The following SIK3 variants were observed in gnomAD, a reference collection of about 807,000 sequenced individuals.
SIK3 encodes the protein SIK family kinase 3, also known as serine/threonine-protein kinase SIK3.
In SIK3, 28 loss-of-function variants were observed where a neutral mutation model predicts 144.2. That is an observed-to-expected ratio of 0.19 (90% CI 0.14 to 0.27). The LOEUF (loss-of-function observed/expected upper bound fraction) is 0.27, where lower values mean the gene tolerates loss of function less well. Among genes scored for constraint, SIK3 ranks in the 10% least tolerant of loss-of-function variants. The pLI is 1.00. For synonymous variants in SIK3, 686 were observed against 676.3 expected, an observed-to-expected ratio of 1.01 and a Z score of -0.22; for missense variants, 1,319 against 1,776.0, an observed-to-expected ratio of 0.74 and a Z score of 4.62.
intron 1 of SIK3, among the ~76,000 whole-genome samples, chr11:117,082,656 C>A (rs1307451482): frequency 6.6e-6 from 1 of 151,960 alleles, no homozygotes; most frequent in African/African-American, 2.4e-5. Flanking sequence ...CTAATGGGTA[C>A]CATGCTTCTT....
intron 24 of SIK3, 104 bp from the exon 25 acceptor site, chr11:116,845,733 G>A (rs1300354083): frequency 6.6e-6 from 1 of 152,214 alleles, no homozygotes; most frequent in African/African-American, 2.4e-5. Flanking sequence ...TTTCCCTCAG[G>A]TGTTCAGGTA....
intron 1 of SIK3, among the ~76,000 whole-genome samples, chr11:116,976,176 G>C (rs1276178625): frequency 6.6e-6 from 1 of 152,126 alleles, no homozygotes; most frequent in Non-Finnish European, 1.5e-5. Context: ...ATTTTCTGAT[G>C]GTATTGTCTG....
intron 1 of SIK3, among the ~76,000 whole-genome samples, chr11:117,013,901 G>GTGTGTGT (rs1951380296): frequency 1.7e-5 from 1 of 59,730 alleles, no homozygotes; most frequent in African/African-American, 5.4e-5. Flanking sequence ...AGATTCTGAG[G>GTGTGTGT]GGGGGGGGGG....
intron 1 of SIK3, among the ~76,000 whole-genome samples, chr11:116,985,541 G>C (rs1950299157): frequency 6.6e-6 from 1 of 152,158 alleles, no homozygotes; most frequent in Admixed American, 6.5e-5. Context: ...TAGAGGTACA[G>C]TATAATTCAA....
intron 1 of SIK3, among the ~76,000 whole-genome samples, chr11:117,015,254 C>T (rs1475187599): frequency 3.9e-5 from 6 of 151,922 alleles, no homozygotes; most frequent in Non-Finnish European, 2.9e-5. Flanking sequence ...CCACTATATT[C>T]CTACTACATT....
intron 1 of SIK3, among the ~76,000 whole-genome samples, chr11:117,026,928 T>G (rs1952034456): frequency 6.6e-6 from 1 of 152,248 alleles, no homozygotes; most frequent in African/African-American, 2.4e-5. Flanking sequence ...TGTCATTAAA[T>G]GTAATACAAG....
At chr11:117,090,117 G>A (rs1014816960) in intron 1 of SIK3, among the ~76,000 whole-genome samples, 24 of 152,130 alleles carry the variant, frequency 1.6e-4, no homozygotes, top group African/African-American at 4.3e-4. Flanking sequence ...CATTGCCTAC[G>A]CCATTTATTT....
intron 1 of SIK3, among the ~76,000 whole-genome samples, chr11:117,005,664 G>A (rs1484716039): frequency 6.6e-6 from 1 of 152,114 alleles, no homozygotes; most frequent in African/African-American, 2.4e-5. Context: ...AATAACATCT[G>A]ATTCATAGAA....
At chr11:117,088,102 T>C (rs1244130464) in intron 1 of SIK3, among the ~76,000 whole-genome samples, 3 of 152,114 alleles carry the variant, frequency 2.0e-5, no homozygotes, top group Non-Finnish European at 4.4e-5. Flanking sequence ...CTGGGCATGG[T>C]GGCATGCACC....
chr11:116,998,754 G>A lies in SIK3; in HGVS notation c.274-41690C>T, dbSNP rs187423591. 7.9e-5 allele frequency among the ~76,000 whole-genome samples: 12 copies of A among 152,242 alleles called. No homozygotes were observed. In the East Asian group the frequency reaches 1.2e-3, roughly 15 times the overall value. On this transcript the variant is annotated intron_variant, in intron 1 of 24. Coordinates refer to ENST00000445177, the MANE Select transcript of SIK3 (RefSeq NM_001366686.3). ...GAGGTTTCATTTAATCTAGTGCTCT[G>A]CTCTTTCCACAACTCTAAGAGCACT...
chr11:116,953,817 C>A (rs1390095202), intron 3 of SIK3, among the ~76,000 whole-genome samples: 1 of 152,164 alleles, frequency 6.6e-6, no homozygotes, highest in African/African-American at 2.4e-5. Flanking sequence ...CAACTGTCAG[C>A]GCCTGACTGA....
At chr11:116,847,878 A>G (rs939942637) in intron 22 of SIK3, among the ~76,000 whole-genome samples, 3 of 152,188 alleles carry the variant, frequency 2.0e-5, no homozygotes, top group Admixed American at 2.0e-4. Flanking sequence ...ATGGCCTTCT[A>G]AAACCAGGTT....
At chr11:117,033,323 C>T (rs1952346909) in intron 1 of SIK3, among the ~76,000 whole-genome samples, 1 of 152,116 alleles carries the variant, frequency 6.6e-6, no homozygotes, top group Admixed American at 6.5e-5. Context: ...TTTATGACAG[C>T]ATTATCATAA....
chr11:117,039,174 C>T (rs2135845019), intron 1 of SIK3, among the ~76,000 whole-genome samples: 1 of 152,230 alleles, frequency 6.6e-6, no homozygotes, highest in South Asian at 2.1e-4. Context: ...TCAAGGCTGT[C>T]ATTTAAAAGA....
intron 1 of SIK3, among the ~76,000 whole-genome samples, chr11:116,970,073 T>TCA (rs1435479774): frequency 2.0e-5 from 3 of 152,122 alleles, no homozygotes; most frequent in African/African-American, 7.2e-5. Flanking sequence ...CCCAGGAGCT[T>TCA]CAGACCAGCC....
intron 3 of SIK3, among the ~76,000 whole-genome samples, chr11:116,952,905 A>C (rs1189739116): frequency 2.0e-5 from 3 of 152,234 alleles, no homozygotes; most frequent in African/African-American, 7.2e-5. Context: ...CTTTAAAATA[A>C]AGTATCCCCT....
intron 6 of SIK3, among the ~76,000 whole-genome samples, chr11:116,893,280 G>C (rs1432811974): frequency 6.6e-6 from 1 of 152,166 alleles, no homozygotes; most frequent in Admixed American, 6.5e-5. Flanking sequence ...CATTGATTAT[G>C]ACAGGGGTCA....
intron 1 of SIK3, among the ~76,000 whole-genome samples, chr11:117,064,385 C>T (rs980843586): frequency 3.9e-5 from 6 of 152,280 alleles, no homozygotes; most frequent in Non-Finnish European, 8.8e-5. Flanking sequence ...TCACTCTTAA[C>T]TCCTTTTTCT....
At chr11:116,952,409 A>C (rs1948976810) in intron 3 of SIK3, among the ~76,000 whole-genome samples, 1 of 152,094 alleles carries the variant, frequency 6.6e-6, no homozygotes, top group Non-Finnish European at 1.5e-5. Flanking sequence ...CCAAAGAAAA[A>C]ACCTTATCTA....
Sources: gnomAD v4.1 joint callset for allele counts (sites outside exome capture counted in the v4.1 genomes callset) on GRCh38, gnomAD v4.1.1 for gene constraint, MANE v1.5 for transcripts, NCBI Gene and HGNC (gene_info 2026-07-23, HGNC 2026-07-21) for gene names.